BTG1: variants seen among roughly 807,000 people sequenced by gnomAD.
BTG1 encodes the protein BTG anti-proliferation factor 1, also known as protein BTG1.
Under a neutral mutation model 15.2 loss-of-function variants are expected in BTG1, and 2 were observed. That is an observed-to-expected ratio of 0.13 (90% CI 0.05 to 0.41). The LOEUF is 0.41. BTG1 is among the 10% of genes least tolerant of loss of function. The pLI, the probability that BTG1 is intolerant of heterozygous loss-of-function variation, is 0.99. For missense variants in BTG1, 149 were observed against 215.0 expected (o/e 0.69, Z 1.92); for synonymous variants, 109 against 82.4 (o/e 1.32, Z -1.75).
In BTG1 at chr12:92,142,713, T is replaced by C. The variant is rs1870329543; in HGVS notation, c.*1367A>G. ...GTGTTTAGCCTGTTCTTTAAGACTA[T>C]GGGTCACCTGCCCCGGGGAAATTTC... On this transcript the variant is annotated 3_prime_UTR_variant, in exon 2 of 2. Coordinates refer to ENST00000256015, the MANE Select transcript of BTG1 (RefSeq NM_001731.3). 8.6e-6 allele frequency: 2 copies of C among 232,994 alleles called. No homozygotes were observed. Among genetic ancestry groups the C allele is most frequent in the Non-Finnish European group, 8.5e-6 (1 of 117,982 alleles). 14.4% of individuals were successfully genotyped at this position (232,994 alleles called of 1,614,324 possible). A position where few individuals can be genotyped will look rare whatever the true frequency, so the allele number is the denominator to read the frequency against.
rs2136944781 is a variant in BTG1 at position 92,141,673 on chromosome 12, T to C, written c.*2407A>G. 3 of 232,082 alleles carry C rather than the reference T, an allele frequency of 1.3e-5. 1 individual carries two copies. In the East Asian group the frequency reaches 1.8e-4, roughly 14 times the overall value. The allele number at this position is 232,082 out of a possible 1,614,324, so 14.4% of individuals were successfully genotyped here. A position where few individuals can be genotyped will look rare whatever the true frequency, so the allele number is the denominator to read the frequency against. On this transcript the variant is annotated 3_prime_UTR_variant, in exon 2 of 2. Coordinates refer to ENST00000256015, the MANE Select transcript of BTG1 (RefSeq NM_001731.3). Reference sequence around the variant, plus strand: ...TACCGCAGATACAGGTTCAGCTCAATTGTCTGGGGAAGGTAAGGTTAAAGT... The same window carrying C: ...TACCGCAGATACAGGTTCAGCTCAACTGTCTGGGGAAGGTAAGGTTAAAGT...
chr12:92,144,593 T>A lies in BTG1; in HGVS notation c.149-146A>T, dbSNP rs551278964. 2.6e-5 allele frequency: 29 copies of A among 1,098,092 alleles called. 1 individual carries two copies. The South Asian group carries it at 4.3e-4, about 16-fold the overall frequency. The allele number at this position is 1,098,092 out of a possible 1,614,324, so 68.0% of individuals were successfully genotyped here. A position where few individuals can be genotyped will look rare whatever the true frequency, so the allele number is the denominator to read the frequency against. On this transcript the variant is annotated intron_variant, in intron 1 of 1. Transcript: ENST00000256015. The stretch of plus-strand genomic sequence containing the variant: ...CCAGGATTGCATCCGTTGTTGTGCA[T>A]GTGCGGGGATGGAAAAAGCGGGCAG...
chr12:92,144,248 T>A lies in BTG1; in HGVS notation c.348A>T (p.Gly116=). ...VDPYEVSYRI[G]EDGSICVLYE... is the part of the protein sequence containing the mutation. ...ACAGCACACAGATGGAGCCATCCTCTCCAATTCTGTAGGACACTTCATAGG... is the reference window on the plus strand; with the variant it reads ...ACAGCACACAGATGGAGCCATCCTCACCAATTCTGTAGGACACTTCATAGG... The change falls in exon 2 of 2, where the codon GGA becomes GGT. Residue 116 remains glycine, a synonymous_variant. Transcript: ENST00000256015. 6.2e-7 allele frequency: 1 copy of A among 1,614,230 alleles called. No individual in the cohort carries two copies. Among genetic ancestry groups the A allele is most frequent in the Non-Finnish European group, 8.5e-7 (1 of 1,180,038 alleles).
rs1477242268 is a variant in BTG1 at position 92,141,003 on chromosome 12, G to A, written c.*3077C>T. ...ACCTCTCTTCTGTAAAGAGGAAGAAGAGAGAGTATCAGAAATGTTAAAAGT... is the reference window on the plus strand; with the variant it reads ...ACCTCTCTTCTGTAAAGAGGAAGAAAAGAGAGTATCAGAAATGTTAAAAGT... On this transcript the variant is annotated 3_prime_UTR_variant, in exon 2 of 2. Coordinates refer to ENST00000256015, the MANE Select transcript of BTG1 (RefSeq NM_001731.3). The A allele has an allele frequency of 4.3e-6, 1 of 232,696 alleles. No individual in the cohort carries two copies. The highest frequency in any genetic ancestry group is 2.2e-5 in the African/African-American group (1 of 45,332). The allele number at this position is 232,696 out of a possible 1,614,324, so 14.4% of individuals were successfully genotyped here.
chr12:92,145,715 G>A lies in BTG1; in HGVS notation c.-180C>T. On this transcript the variant is annotated 5_prime_UTR_variant, in exon 1 of 2. Coordinates refer to ENST00000256015, the MANE Select transcript of BTG1 (RefSeq NM_001731.3). ...ACTAAAAAAGTTATTTTCGAGACAG[G>A]AGGCGGCAGGAGAGAGGAAGAGACG... 2 of 354,712 alleles carry A rather than the reference G, an allele frequency of 5.6e-6. No homozygotes were observed. Among genetic ancestry groups the A allele is most frequent in the Non-Finnish European group, 4.8e-6 (1 of 206,412 alleles). 22.0% of individuals were successfully genotyped at this position (354,712 alleles called of 1,614,324 possible). A position where few individuals can be genotyped will look rare whatever the true frequency, so the allele number is the denominator to read the frequency against.
In BTG1 at chr12:92,140,355, C is replaced by CAA; in HGVS notation, c.*3723_*3724dup. 4.8e-6 allele frequency: 1 copy of CAA among 210,270 alleles called. No homozygotes were observed. Among genetic ancestry groups the CAA allele is most frequent in the African/African-American group, 2.3e-5 (1 of 43,768 alleles). The allele number at this position is 210,270 out of a possible 1,614,324, so 13.0% of individuals were successfully genotyped here. ...TGATAAGCCAAGTTAAACCTGCAGTCAAAAAAAAACTGGTGTCAATCATAC... is the reference window on the plus strand; with the variant it reads ...TGATAAGCCAAGTTAAACCTGCAGTCAAAAAAAAAAACTGGTGTCAATCATAC... On this transcript the variant is annotated 3_prime_UTR_variant, in exon 2 of 2. Coordinates refer to ENST00000256015, the MANE Select transcript of BTG1 (RefSeq NM_001731.3).
At position 92,145,823 on chromosome 12, in the gene BTG1, C is replaced by G. The variant is rs927690750; in HGVS notation, c.-288G>C. The G allele has an allele frequency of 3.3e-5, 8 of 246,114 alleles. No homozygotes were observed. The highest frequency in any genetic ancestry group is 1.5e-4 in the African/African-American group (7 of 45,182). 15.2% of individuals were successfully genotyped at this position (246,114 alleles called of 1,614,324 possible). On this transcript the variant is annotated 5_prime_UTR_variant, in exon 1 of 2. Coordinates refer to ENST00000256015, the MANE Select transcript of BTG1 (RefSeq NM_001731.3). Reference sequence around the variant, plus strand: ...CCGCAGCATTCGAAGATCTCAATAGCTGCATTTCCAGCTCCGAGAGGCGAA... The same window carrying G: ...CCGCAGCATTCGAAGATCTCAATAGGTGCATTTCCAGCTCCGAGAGGCGAA...
At chr12:92,144,946 G>C (rs987627456) in intron 1 of BTG1, 4 of 197,100 alleles carry the variant, frequency 2.0e-5, no homozygotes, top group South Asian at 8.2e-5. Context: ...GCGGGGAGAC[G>C]GCACGTCCGT....
rs1288725528 is a variant in BTG1, at chr12:92,142,196, A to G, written c.*1884T>C. ...TTGTACTCTAAATACCTGCATATTC[A>G]GTGGCCTATTCCTGTGTTGTCTACA... On this transcript the variant is annotated 3_prime_UTR_variant, in exon 2 of 2. Coordinates refer to ENST00000256015, the MANE Select transcript of BTG1 (RefSeq NM_001731.3). The G allele has an allele frequency of 8.6e-6, 2 of 232,060 alleles. No individual in the cohort carries two copies. The highest frequency in any genetic ancestry group is 1.1e-4 in the Admixed American group (2 of 17,756). 14.4% of individuals were successfully genotyped at this position (232,060 alleles called of 1,614,324 possible). A position where few individuals can be genotyped will look rare whatever the true frequency, so the allele number is the denominator to read the frequency against.
In BTG1 at chr12:92,145,547, G is replaced by T; in HGVS notation, c.-12C>A. 6.8e-7 allele frequency: 1 copy of T among 1,476,632 alleles called. No homozygotes were observed. Among genetic ancestry groups the T allele is most frequent in the Non-Finnish European group, 9.0e-7 (1 of 1,107,000 alleles). 91.5% of individuals were successfully genotyped at this position (1,476,632 alleles called of 1,614,324 possible). On this transcript the variant is annotated 5_prime_UTR_variant, in exon 1 of 2. Coordinates refer to ENST00000256015, the MANE Select transcript of BTG1 (RefSeq NM_001731.3). ...TAGAAGGGATGCATGGGGGCGGCGTGCGGGGGCGGCCCGGGGCGGCTGGGG... is the reference window on the plus strand; with the variant it reads ...TAGAAGGGATGCATGGGGGCGGCGTTCGGGGGCGGCCCGGGGCGGCTGGGG...
At position 92,143,930 on chromosome 12, in the gene BTG1, A is replaced by AAT. The variant is rs1870412730; in HGVS notation, c.*149_*150insAT. On this transcript the variant is annotated 3_prime_UTR_variant, in exon 2 of 2. Transcript: ENST00000256015. Reference sequence around the variant, plus strand: ...CCAAACTATGGCACTGTCACTTAAAATTTTTTTTTTTTTTACCATTCTATC... The same window carrying AAT: ...CCAAACTATGGCACTGTCACTTAAAAATTTTTTTTTTTTTTTACCATTCTATC... 5.0e-6 allele frequency: 4 copies of AAT among 806,294 alleles called. No homozygotes were observed. Among genetic ancestry groups the AAT allele is most frequent in the Non-Finnish European group, 7.3e-6 (4 of 545,618 alleles). The allele number at this position is 806,294 out of a possible 1,614,324, so 49.9% of individuals were successfully genotyped here.
Position 92,141,558 on chromosome 12 carries a change from A to C in BTG1, c.*2522T>G. On this transcript the variant is annotated 3_prime_UTR_variant, in exon 2 of 2. Coordinates refer to ENST00000256015, the MANE Select transcript of BTG1 (RefSeq NM_001731.3). Reference sequence around the variant, plus strand: ...CAAAGGCAACAATAATTTTGAAAGTAGTCATCCTATCTTAAAAGGATTTAT... The same window carrying C: ...CAAAGGCAACAATAATTTTGAAAGTCGTCATCCTATCTTAAAAGGATTTAT... The C allele has an allele frequency of 4.3e-6, 1 of 231,474 alleles. No individual in the cohort carries two copies. The highest frequency in any genetic ancestry group is 8.6e-6 in the Non-Finnish European group (1 of 116,928). The allele number at this position is 231,474 out of a possible 1,614,324, so 14.3% of individuals were successfully genotyped here.
intron 1 of BTG1, chr12:92,145,059 C>T (rs571499317): frequency 4.8e-6 from 1 of 208,102 alleles, no homozygotes; most frequent in Non-Finnish European, 9.6e-6. Flanking sequence ...GTCGAACCCA[C>T]CCCAGCCCCA....
At position 92,143,147 on chromosome 12, in the gene BTG1, G is replaced by A. The variant is rs1278246095; in HGVS notation, c.*933C>T. ...TGATTAAAATGCCAAGATAAGAAAC[G>A]ATTTATTATAGAGAGAAGAAAAATT... On this transcript the variant is annotated 3_prime_UTR_variant, in exon 2 of 2. Transcript: ENST00000256015. 4.3e-6 allele frequency: 1 copy of A among 232,510 alleles called. No homozygotes were observed. Among genetic ancestry groups the A allele is most frequent in the East Asian group, 6.1e-5 (1 of 16,374 alleles). The allele number at this position is 232,510 out of a possible 1,614,324, so 14.4% of individuals were successfully genotyped here. A position where few individuals can be genotyped will look rare whatever the true frequency, so the allele number is the denominator to read the frequency against.
chr12:92,145,332 G>A (rs1022491741), intron 1 of BTG1, 56 bp downstream of exon 1: 5 of 1,447,084 alleles, frequency 3.5e-6, no homozygotes, highest in Non-Finnish European at 4.6e-6. Flanking sequence ...CCGACGGCCG[G>A]ACTCTGACCC....
At chr12:92,144,493 G>C (rs754380809) in intron 1 of BTG1, 46 bp from the exon 2 acceptor site, 1 of 1,595,696 alleles carries the variant, frequency 6.3e-7, no homozygotes, top group Admixed American at 1.9e-5. Flanking sequence ...AGGATCGTTA[G>C]CTCCCACTGC....
In BTG1 at chr12:92,143,689, A is replaced by G; in HGVS notation, c.*391T>C. ...TTAAAAGCTGCCGAAAAGGTTAACA[A>G]TAACAACTTTCAAGTGTAATAGTGC... On this transcript the variant is annotated 3_prime_UTR_variant, in exon 2 of 2. Coordinates refer to ENST00000256015, the MANE Select transcript of BTG1 (RefSeq NM_001731.3). 3.8e-6 allele frequency: 1 copy of G among 262,704 alleles called. No homozygotes were observed. Among genetic ancestry groups the G allele is most frequent in the Non-Finnish European group, 7.3e-6 (1 of 137,452 alleles). The allele number at this position is 262,704 out of a possible 1,614,324, so 16.3% of individuals were successfully genotyped here. A position where few individuals can be genotyped will look rare whatever the true frequency, so the allele number is the denominator to read the frequency against.
Position 92,142,037 on chromosome 12 carries a change from T to TTGAAATACC in BTG1, c.*2034_*2042dup, listed in dbSNP as rs1870266937. The TTGAAATACC allele has an allele frequency of 8.6e-6, 2 of 231,974 alleles. No individual in the cohort carries two copies. Among genetic ancestry groups the TTGAAATACC allele is most frequent in the Admixed American group, 5.6e-5 (1 of 17,748 alleles). 14.4% of individuals were successfully genotyped at this position (231,974 alleles called of 1,614,324 possible). A position where few individuals can be genotyped will look rare whatever the true frequency, so the allele number is the denominator to read the frequency against. On this transcript the variant is annotated 3_prime_UTR_variant, in exon 2 of 2. Transcript: ENST00000256015. ...CTGGTGTTTTTATTGTAATTCAAGT[T>TTGAAATACC]TGAAATACCGAGGAGCTTTTTCACA...
In BTG1 at chr12:92,145,535, TG is replaced by T. The variant is rs1870531848; in HGVS notation, c.-1del. 2 of 1,501,056 alleles carry T rather than the reference TG, an allele frequency of 1.3e-6. No individual in the cohort carries two copies. Among genetic ancestry groups the T allele is most frequent in the Admixed American group, 2.0e-5 (1 of 49,212 alleles). 93.0% of individuals were successfully genotyped at this position (1,501,056 alleles called of 1,614,324 possible). On this transcript the variant is annotated 5_prime_UTR_variant, in exon 1 of 2. Transcript: ENST00000256015. ...GCGGCCCGGGTGTAGAAGGGATGCATGGGGGCGGCGTGCGGGGGCGGCCCGG... is the reference window on the plus strand; with the variant it reads ...GCGGCCCGGGTGTAGAAGGGATGCATGGGGCGGCGTGCGGGGGCGGCCCGG...
Sources: allele counts gnomAD v4.1 joint callset, GRCh38; gene constraint gnomAD v4.1.1; transcripts MANE v1.5; gene names NCBI Gene and HGNC (gene_info 2026-07-23, HGNC 2026-07-21).